The following AKAP19 variants were observed in gnomAD, a reference collection of about 807,000 sequenced individuals.
AKAP19 encodes A-kinase anchoring protein 19, also known as small A-kinase anchoring protein.
chr2:190,198,719 A>ACAATCAAT, the AKAP19 span, among the ~76,000 whole-genome samples: 4 of 151,146 alleles, frequency 2.6e-5, no homozygotes, highest in Non-Finnish European at 4.4e-5. Context: ...AAACTAAGAT[A>ACAATCAAT]CAATCAGGGA....
At chr2:190,181,060 A>C in the AKAP19 span, 1 of 985,556 alleles carries the variant, frequency 1.0e-6, no homozygotes, top group Non-Finnish European at 1.2e-6. Context: ...CCGGGACCCC[A>C]CGGCTGTCCG....
chr2:190,030,318 A>T, the AKAP19 span, among the ~76,000 whole-genome samples: 2 of 152,236 alleles, frequency 1.3e-5, no homozygotes, highest in Non-Finnish European at 2.9e-5. Context: ...TATCAGAAGT[A>T]ACCCAGTTTT....
chr2:189,957,850 G>A, the AKAP19 span, among the ~76,000 whole-genome samples: 4 of 152,192 alleles, frequency 2.6e-5, no homozygotes, highest in African/African-American at 9.6e-5. Flanking sequence ...CTGGAATGCA[G>A]TGGTGCCATC....
chr2:189,965,921 TAAAG>T, the AKAP19 span, among the ~76,000 whole-genome samples: 26 of 152,074 alleles, frequency 1.7e-4, no homozygotes, highest in African/African-American at 6.0e-4. Flanking sequence ...CAATGAGTGA[TAAAG>T]AAATTGTGGT....
At chr2:190,057,380 C>T in the AKAP19 span, 3 of 1,613,470 alleles carry the variant, frequency 1.9e-6, no homozygotes, top group South Asian at 3.3e-5. Context: ...CAAGGGCCTG[C>T]TGAACCTCTG....
chr2:189,900,772 G>A, the AKAP19 span, among the ~76,000 whole-genome samples: 1 of 152,150 alleles, frequency 6.6e-6, no homozygotes, highest in African/African-American at 2.4e-5. Flanking sequence ...AAGAAAGGCA[G>A]GTTTATTAGA....
At chr2:190,084,350 C>T in the AKAP19 span, among the ~76,000 whole-genome samples, 2 of 152,148 alleles carry the variant, frequency 1.3e-5, no homozygotes. Flanking sequence ...ACCTCAGCCT[C>T]CCAAAGTGCT....
the AKAP19 span, among the ~76,000 whole-genome samples, chr2:189,883,946 AAT>A: frequency 6.6e-6 from 1 of 152,118 alleles, no homozygotes; most frequent in African/African-American, 2.4e-5. Flanking sequence ...CCTTAAATTA[AAT>A]AGTTTTTTAA....
chr2:190,071,119 A>T, the AKAP19 span, among the ~76,000 whole-genome samples: 10 of 152,294 alleles, frequency 6.6e-5, no homozygotes, highest in East Asian at 1.7e-3. Flanking sequence ...AAAAACATTT[A>T]AAAACCTTTT....
chr2:189,907,438 TATC>T, the AKAP19 span, among the ~76,000 whole-genome samples: 1 of 152,154 alleles, frequency 6.6e-6, no homozygotes, highest in African/African-American at 2.4e-5. Context: ...TCTGCTTGAA[TATC>T]ATCTTATCAG....
the AKAP19 span, among the ~76,000 whole-genome samples, chr2:189,904,714 G>A: frequency 6.6e-6 from 1 of 151,928 alleles, no homozygotes; most frequent in Admixed American, 6.6e-5. Context: ...CCTATCTTGA[G>A]AGAAAATATG....
chr2:190,095,000 G>A, the AKAP19 span, among the ~76,000 whole-genome samples: 4 of 152,168 alleles, frequency 2.6e-5, no homozygotes, highest in East Asian at 1.9e-4. Flanking sequence ...CGAGATGGGC[G>A]GATCATGAGG....
the AKAP19 span, among the ~76,000 whole-genome samples, chr2:190,069,744 A>AT: frequency 6.6e-6 from 1 of 152,154 alleles, no homozygotes; most frequent in African/African-American, 2.4e-5. Context: ...TTATACATGT[A>AT]TTTGTTCATT....
At chr2:190,110,107 T>C in the AKAP19 span, among the ~76,000 whole-genome samples, 1 of 152,182 alleles carries the variant, frequency 6.6e-6, no homozygotes, top group African/African-American at 2.4e-5. Context: ...ACACTAGTCC[T>C]GGTGTAGATG....
the AKAP19 span, chr2:189,923,824 G>A: frequency 6.2e-7 from 1 of 1,611,484 alleles, no homozygotes; most frequent in Non-Finnish European, 8.5e-7. Context: ...TCAATTCTAA[G>A]AGTGGACAGC....
the AKAP19 span, among the ~76,000 whole-genome samples, chr2:189,883,924 T>G: frequency 6.6e-6 from 1 of 152,132 alleles, no homozygotes; most frequent in South Asian, 2.1e-4. Flanking sequence ...CAACCTAAAG[T>G]TTCTAGTTGT....
At chr2:190,004,280 A>G in the AKAP19 span, among the ~76,000 whole-genome samples, 1 of 145,956 alleles carries the variant, frequency 6.9e-6, no homozygotes, top group Non-Finnish European at 1.5e-5. Flanking sequence ...TAATAATAAT[A>G]AAAAAAAACA....
the AKAP19 span, among the ~76,000 whole-genome samples, chr2:189,895,881 C>T: frequency 6.6e-6 from 1 of 151,674 alleles, no homozygotes; most frequent in African/African-American, 2.4e-5. Flanking sequence ...CACGGTGGTA[C>T]ATGCCTATAG....
At chr2:189,884,860 G>A in the AKAP19 span, among the ~76,000 whole-genome samples, 2 of 152,148 alleles carry the variant, frequency 1.3e-5, no homozygotes, top group Admixed American at 6.6e-5. Context: ...TGATGCTGCT[G>A]GTTCAGGGAT....
Sources: allele counts gnomAD v4.1 joint callset (sites outside exome capture counted in the v4.1 genomes callset), GRCh38; gene constraint gnomAD v4.1.1; transcripts MANE v1.5; gene names NCBI Gene and HGNC (gene_info 2026-07-23, HGNC 2026-07-21).